Variants in RIN2 observed in about 807,000 individuals in gnomAD.
The protein encoded by RIN2 is Ras and Rab interactor 2.
In RIN2, 36 loss-of-function variants were observed where a neutral mutation model predicts 78.0. The ratio of observed to expected loss-of-function variants is 0.46; its 90% CI spans 0.35 to 0.61. The LOEUF (loss-of-function observed/expected upper bound fraction) is 0.61. RIN2 is among the 20% of genes least tolerant of loss of function. The pLI, the probability that RIN2 is intolerant of heterozygous loss-of-function variation, is 0.00. For missense variants in RIN2, 1,087 were observed against 1,159.7 expected, an observed-to-expected ratio of 0.94 and a Z score of 0.91; for synonymous variants, 466 against 466.8, an observed-to-expected ratio of 1.00 and a Z score of 0.02.
intron 5 of RIN2, among the ~76,000 whole-genome samples, chr20:19,959,826 A>G (rs967662246): frequency 1.3e-5 from 2 of 152,154 alleles, no homozygotes; most frequent in Non-Finnish European, 2.9e-5. Flanking sequence ...GAGTCACTTC[A>G]TTTGTAGGCT....
intron 3 of RIN2, among the ~76,000 whole-genome samples, chr20:19,896,679 T>C (rs1412354047): frequency 2.6e-5 from 4 of 152,216 alleles, no homozygotes; most frequent in African/African-American, 9.7e-5. Context: ...TTGCAAAGCA[T>C]GCCTCACACC....
At chr20:19,865,636 C>A (rs1483696575) in intron 2 of RIN2, among the ~76,000 whole-genome samples, 1 of 151,880 alleles carries the variant, frequency 6.6e-6, no homozygotes, top group African/African-American at 2.4e-5. Flanking sequence ...TATAGGCACA[C>A]ACCACCAGGC....
At chr20:19,823,160 C>T (rs1007895614) in intron 2 of RIN2, among the ~76,000 whole-genome samples, 3 of 152,154 alleles carry the variant, frequency 2.0e-5, no homozygotes, top group African/African-American at 7.2e-5. Flanking sequence ...TGGCCCTTCC[C>T]TGGTTTAATA....
At chr20:19,972,719 C>T (rs887320024) in intron 8 of RIN2, among the ~76,000 whole-genome samples, 8 of 152,076 alleles carry the variant, frequency 5.3e-5, no homozygotes, top group African/African-American at 1.2e-4. Context: ...TAGATATACA[C>T]GTGAACTAAA....
Position 19,934,485 on chromosome 20 carries a change from G to A in RIN2, c.58-614G>A, listed in dbSNP as rs143780124. ...CGCCTTTTCCCCTAGATGGCCCTGGGGCCCACTCCCCTCCTCCCCACTCAT... is the reference window on the plus strand; with the variant it reads ...CGCCTTTTCCCCTAGATGGCCCTGGAGCCCACTCCCCTCCTCCCCACTCAT... On this transcript the variant is annotated intron_variant, in intron 3 of 12. Coordinates refer to ENST00000255006, the MANE Select transcript of RIN2 (RefSeq NM_018993.4). The A allele has an allele frequency of 4.7e-4, 461 of 985,184 alleles. 1 individual carries two copies. In the Middle Eastern group the frequency reaches 8.4e-3, roughly 18 times the overall value. The allele number at this position is 985,184 out of a possible 1,614,324, so 61.0% of individuals were successfully genotyped here.
intron 2 of RIN2, among the ~76,000 whole-genome samples, chr20:19,836,729 T>C (rs1600575395): frequency 6.6e-6 from 1 of 152,186 alleles, no homozygotes; most frequent in Admixed American, 6.5e-5. Flanking sequence ...GCTGTTATGA[T>C]AGAGGAAGAT....
At chr20:19,768,981 T>TCG (rs907061505) in intron 1 of RIN2, among the ~76,000 whole-genome samples, 1 of 149,760 alleles carries the variant, frequency 6.7e-6, no homozygotes, top group Non-Finnish European at 1.5e-5. Context: ...GAGTACAAAG[T>TCG]CGCACTCTCG....
intron 2 of RIN2, among the ~76,000 whole-genome samples, chr20:19,879,994 A>T (rs2037971157): frequency 6.6e-6 from 1 of 152,192 alleles, no homozygotes. Flanking sequence ...GGCTCATGCC[A>T]TCCCAGCACT....
At chr20:19,980,935 AAGTCAC>A (rs1459032428) in intron 9 of RIN2, among the ~76,000 whole-genome samples, 4 of 152,214 alleles carry the variant, frequency 2.6e-5, no homozygotes, top group African/African-American at 7.2e-5. Flanking sequence ...GGCCCAGGTG[AAGTCAC>A]AGCCACCTCC....
chr20:19,766,612 A>C (rs2033895220), intron 1 of RIN2, among the ~76,000 whole-genome samples: 1 of 152,128 alleles, frequency 6.6e-6, no homozygotes, highest in Non-Finnish European at 1.5e-5. Flanking sequence ...TCCAGGCAGG[A>C]GCGGCAAGTA....
intron 8 of RIN2, among the ~76,000 whole-genome samples, chr20:19,971,615 C>T (rs1048143209): frequency 6.6e-6 from 1 of 152,102 alleles, no homozygotes; most frequent in Non-Finnish European, 1.5e-5. Context: ...TGTATGTATT[C>T]CTCCTCTGGC....
intron 2 of RIN2, among the ~76,000 whole-genome samples, chr20:19,848,587 A>G (rs2036859354): frequency 6.6e-6 from 1 of 151,990 alleles, no homozygotes; most frequent in Non-Finnish European, 1.5e-5. Context: ...GATCTGACTA[A>G]AAGAAAAAAA....
chr20:19,938,847 C>T (rs1033296065), intron 4 of RIN2, among the ~76,000 whole-genome samples: 2 of 152,170 alleles, frequency 1.3e-5, no homozygotes, highest in African/African-American at 4.8e-5. Flanking sequence ...CTCCCTTGGC[C>T]AATCCTCTCT....
At chr20:19,840,351 C>CGGTT (rs1326778000) in intron 2 of RIN2, among the ~76,000 whole-genome samples, 1 of 152,186 alleles carries the variant, frequency 6.6e-6, no homozygotes, top group Non-Finnish European at 1.5e-5. Context: ...CAGCAGTTTG[C>CGGTT]GGTTGGTTGG....
intron 2 of RIN2, among the ~76,000 whole-genome samples, chr20:19,831,398 C>A (rs566129381): frequency 6.6e-6 from 1 of 151,502 alleles, no homozygotes; most frequent in African/African-American, 2.4e-5. Flanking sequence ...TTGAGGGATG[C>A]GTAGAGGGAG....
intron 5 of RIN2, among the ~76,000 whole-genome samples, chr20:19,958,956 A>G (rs895774628): frequency 1.3e-5 from 2 of 152,214 alleles, no homozygotes; most frequent in Admixed American, 6.5e-5. Context: ...GAGACTGGCC[A>G]TGGTGGCATG....
intron 2 of RIN2, among the ~76,000 whole-genome samples, chr20:19,801,264 A>T (rs1195899070): frequency 1.3e-5 from 2 of 152,036 alleles, no homozygotes; most frequent in Non-Finnish European, 2.9e-5. Flanking sequence ...ATGTAAAATA[A>T]TCATCAAGTA....
chr20:19,767,112 C>G (rs2033918584), intron 1 of RIN2, among the ~76,000 whole-genome samples: 1 of 152,098 alleles, frequency 6.6e-6, no homozygotes, highest in Non-Finnish European at 1.5e-5. Context: ...GAGGAGCCTT[C>G]AGAATGAAGA....
At chr20:19,790,616 G>C (rs1458992559) in intron 1 of RIN2, among the ~76,000 whole-genome samples, 1 of 152,102 alleles carries the variant, frequency 6.6e-6, no homozygotes, top group South Asian at 2.1e-4. Context: ...GCAACATAGG[G>C]TTACCCCAGC....
Sources: gnomAD v4.1 joint callset for allele counts (sites outside exome capture counted in the v4.1 genomes callset) on GRCh38, gnomAD v4.1.1 for gene constraint, MANE v1.5 for transcripts, NCBI Gene and HGNC (gene_info 2026-07-23, HGNC 2026-07-21) for gene names.